Variants in ZNF800 observed in about 807,000 individuals in gnomAD.
The protein encoded by ZNF800 is zinc finger protein 800.
A neutral mutation model predicts 59.5 loss-of-function variants in ZNF800; 13 were observed. The ratio of observed to expected loss-of-function variants is 0.22; its 90% CI spans 0.14 to 0.35. ZNF800 has a LOEUF of 0.35. Among genes scored for constraint, ZNF800 ranks in the 10% least tolerant of loss-of-function variants. The probability of loss-of-function intolerance (pLI) is 1.00; values close to 1 mark genes in which losing one functional copy is unlikely to be tolerated. For synonymous variants in ZNF800, 266 were observed against 265.7 expected, an observed-to-expected ratio of 1.00 and a Z score of -0.01; for missense variants, 621 against 783.7, an observed-to-expected ratio of 0.79 and a Z score of 2.48.
exon 2 of ZNF800, chr7:127,347,920 G>A (rs1800098969): frequency 6.7e-6 from 1 of 149,088 alleles, no homozygotes; most frequent in Non-Finnish European, 1.5e-5. Flanking sequence ...CGGCGCCGCC[G>A]CGGAGCTTGG....
intron 1 of ZNF800, among the ~76,000 whole-genome samples, chr7:127,349,152 A>C (rs1044843194): frequency 6.6e-6 from 1 of 152,190 alleles, no homozygotes; most frequent in African/African-American, 2.4e-5. Flanking sequence ...AAACAGAAAA[A>C]TGTGGGACAA....
chr7:127,389,790 C>T (rs1801250375), intron 2 of ZNF800, among the ~76,000 whole-genome samples: 1 of 151,910 alleles, frequency 6.6e-6, no homozygotes, highest in Non-Finnish European at 1.5e-5. Flanking sequence ...TAAACTAATA[C>T]AATTTTGTCT....
At chr7:127,368,709 A>G (rs75569872), downstream of ZNF800, among the ~76,000 whole-genome samples, 3 of 152,272 alleles carry the variant, frequency 2.0e-5, no homozygotes, top group Admixed American at 6.5e-5. Context: ...TGTATTTACC[A>G]TAACACCTAC....
chr7:127,369,259 T>A (rs941801942), downstream of ZNF800, among the ~76,000 whole-genome samples: 1 of 152,118 alleles, frequency 6.6e-6, no homozygotes, highest in Non-Finnish European at 1.5e-5. Flanking sequence ...ATTGATCAAA[T>A]AGCAGCAAAG....
In ZNF800 at chr7:127,377,046, T is replaced by A; in HGVS notation, c.301+140A>T. 5 of 725,110 alleles carry A rather than the reference T, an allele frequency of 6.9e-6. No homozygotes were observed. The South Asian group carries it at 1.3e-4, about 19-fold the overall frequency. 44.9% of individuals were successfully genotyped at this position (725,110 alleles called of 1,614,324 possible). Reference sequence around the variant, plus strand: ...GTCAAGTATTTAATTTTATTCTCCATCTCCATCTAAAAATTATCTGTAACT... The same window carrying A: ...GTCAAGTATTTAATTTTATTCTCCAACTCCATCTAAAAATTATCTGTAACT... On this transcript the variant is annotated intron_variant, in intron 4 of 5. Transcript: ENST00000265827. This position sits in a 1 kb window ranked among gnomAD's most constrained non-coding sequence, Gnocchi z 4.7.
chr7:127,348,709 G>T (rs1299842756), intron 1 of ZNF800, among the ~76,000 whole-genome samples: 1 of 152,172 alleles, frequency 6.6e-6, no homozygotes, highest in East Asian at 1.9e-4. Context: ...GTTATCTCCA[G>T]GTGATAAAGC....
At position 127,392,404 on chromosome 7, in the gene ZNF800, G is replaced by A. The variant is rs1045741103; in HGVS notation, c.-403C>T. On this transcript the variant is annotated 5_prime_UTR_variant, in exon 1 of 6. Transcript: ENST00000265827. The stretch of plus-strand genomic sequence containing the variant: ...TGCCGCCGCCACCACCGAAGGAGCC[G>A]GAACCGGAGCGGGCAGGACCTGAGG... The A allele has an allele frequency of 3.2e-5, 12 of 379,106 alleles. No individual in the cohort carries two copies. Among genetic ancestry groups the A allele is most frequent in the African/African-American group, 1.3e-4 (6 of 47,874 alleles). The allele number at this position is 379,106 out of a possible 1,614,324, so 23.5% of individuals were successfully genotyped here.
intron 1 of ZNF800, among the ~76,000 whole-genome samples, chr7:127,358,704 A>C (rs917214857): frequency 3.3e-5 from 5 of 151,424 alleles, no homozygotes; most frequent in African/African-American, 7.3e-5. Flanking sequence ...GTCTTTCCTA[A>C]CTCCTCAGTG....
intron 2 of ZNF800, 102 bp downstream of exon 2, chr7:127,391,395 T>C (rs1453343783): frequency 1.3e-5 from 15 of 1,152,404 alleles, no homozygotes; most frequent in Non-Finnish European, 1.8e-5. Flanking sequence ...ATAGCCTGCT[T>C]AAGAATGACT....
intron 1 of ZNF800, among the ~76,000 whole-genome samples, chr7:127,352,683 A>G (rs1800189711): frequency 6.6e-6 from 1 of 152,218 alleles, no homozygotes; most frequent in South Asian, 2.1e-4. Flanking sequence ...CCCATCTCAA[A>G]TTAAAGAACT....
rs747117040 is a variant in ZNF800 at position 127,374,910 on chromosome 7, T to C, written c.426A>G (p.Ala142=). The change falls in exon 5 of 6, where the codon GCA becomes GCG. Residue 142 remains alanine, a synonymous_variant. Transcript: ENST00000265827. The part of the protein sequence containing the change: ...KLEPIETNQN[A]VFQYISRTDN... ...CAGTCCTCGAAATATATTGAAATAC[T>C]GCATTTTGATTAGTTTCTATGGGTT... 6 of 1,613,992 alleles carry C rather than the reference T, an allele frequency of 3.7e-6. No homozygotes were observed. In the Admixed American group the frequency reaches 1.0e-4, roughly 27 times the overall value.
intron 2 of ZNF800, among the ~76,000 whole-genome samples, chr7:127,390,564 G>A (rs1801277674): frequency 6.6e-6 from 1 of 152,124 alleles, no homozygotes; most frequent in Non-Finnish European, 1.5e-5. Context: ...GAACTCTACT[G>A]TGATAAAATC....
intron 3 of ZNF800, among the ~76,000 whole-genome samples, chr7:127,384,025 C>T (rs768595654): frequency 2.6e-5 from 4 of 151,660 alleles, no homozygotes; most frequent in Admixed American, 6.6e-5. Context: ...AGTAAAAATA[C>T]GACAAACACA....
At chr7:127,390,929 C>A (rs1801291788) in intron 2 of ZNF800, among the ~76,000 whole-genome samples, 1 of 152,176 alleles carries the variant, frequency 6.6e-6, no homozygotes. Flanking sequence ...ATGTATTCTA[C>A]CTAAATAAAA....
In ZNF800 at chr7:127,391,358, C is replaced by T; in HGVS notation, c.61+139G>A. 3.7e-6 allele frequency: 3 copies of T among 806,454 alleles called. No homozygotes were observed. The South Asian group carries it at 4.8e-5, about 13-fold the overall frequency. 50.0% of individuals were successfully genotyped at this position (806,454 alleles called of 1,614,324 possible). A position where few individuals can be genotyped will look rare whatever the true frequency, so the allele number is the denominator to read the frequency against. ...TCTTGTTTGTACAAGCTTTTAGCTT[C>T]ATAACTGGCTTATGCTAGGGAATAT... On this transcript the variant is annotated intron_variant, in intron 2 of 5. Coordinates refer to ENST00000265827, the MANE Select transcript of ZNF800 (RefSeq NM_176814.5).
chr7:127,388,484 G>A (rs927262011), intron 2 of ZNF800, among the ~76,000 whole-genome samples: 6 of 152,176 alleles, frequency 3.9e-5, no homozygotes, highest in South Asian at 2.1e-4. Flanking sequence ...TTCAAAGTCT[G>A]CCTCTATCAG....
chr7:127,346,016 G>C (rs1800057652), downstream of ZNF800, among the ~76,000 whole-genome samples: 1 of 152,160 alleles, frequency 6.6e-6, no homozygotes. Context: ...ATGCAAAAGA[G>C]AGAAAGGGGA....
At chr7:127,380,759 C>T (rs145260500) in intron 3 of ZNF800, among the ~76,000 whole-genome samples, 1 of 152,226 alleles carries the variant, frequency 6.6e-6, no homozygotes, top group Non-Finnish European at 1.5e-5. Context: ...TGACTTCCTT[C>T]TTCTTTTCCT....
Position 127,377,388 on chromosome 7 carries a change from A to C in ZNF800, c.158-59T>G. The C allele has an allele frequency of 6.9e-7, 1 of 1,448,250 alleles. No homozygotes were observed. The highest frequency in any genetic ancestry group is 9.4e-7 in the Non-Finnish European group (1 of 1,063,812). The allele number at this position is 1,448,250 out of a possible 1,614,324, so 89.7% of individuals were successfully genotyped here. On this transcript the variant is annotated intron_variant, in intron 3 of 5. Transcript: ENST00000265827. The surrounding 1 kb of genome is among the most constrained non-coding windows in gnomAD (Gnocchi z 4.7). ...AAAGGTAACTTTAACATGCACTTTT[A>C]AACTGGACAACCACTGTTGACAGAC... is the stretch of plus-strand genomic sequence containing the variant.
Sources: gnomAD v4.1 joint callset for allele counts (sites outside exome capture counted in the v4.1 genomes callset) on GRCh38, gnomAD v4.1.1 for gene constraint, Gnocchi (gnomAD v3.1) non-coding constraint, MANE v1.5 for transcripts, NCBI Gene and HGNC (gene_info 2026-07-23, HGNC 2026-07-21) for gene names.